The following KANSL1L variants were observed in gnomAD, a reference collection of about 807,000 sequenced individuals.
The protein encoded by KANSL1L is KAT8 regulatory NSL complex subunit 1-like protein.
In KANSL1L, 25 loss-of-function variants were observed where a neutral mutation model predicts 108.6. That is an observed-to-expected ratio of 0.23 (90% CI 0.17 to 0.32). The LOEUF is 0.32. Among genes scored for constraint, KANSL1L ranks in the 10% least tolerant of loss-of-function variants. KANSL1L has a pLI of 1.00. For synonymous variants in KANSL1L, 405 were observed against 395.1 expected, an observed-to-expected ratio of 1.03 and a Z score of -0.30; for missense variants, 1,137 against 1,125.7, an observed-to-expected ratio of 1.01 and a Z score of -0.14.
intron 2 of KANSL1L, among the ~76,000 whole-genome samples, chr2:210,141,203 TTTTC>T (rs1444257577): frequency 6.6e-6 from 1 of 151,682 alleles, no homozygotes; most frequent in Non-Finnish European, 1.5e-5. Flanking sequence ...TCTTTTTCTT[TTTTC>T]TTTTCTTTCC....
chr2:210,170,142 T>C (rs1332744159), intron 1 of KANSL1L: 5 of 153,224 alleles, frequency 3.3e-5, no homozygotes, highest in South Asian at 2.1e-4. Context: ...ATTGCCAGTT[T>C]TGTCTGCAGT....
At chr2:210,096,554 C>T in intron 5 of KANSL1L, 1 of 984,928 alleles carries the variant, frequency 1.0e-6, no homozygotes, top group South Asian at 4.7e-5. Context: ...CTGTGTAGTA[C>T]TTGATTAGGT....
chr2:210,062,476 G>A (rs528567446), intron 6 of KANSL1L, among the ~76,000 whole-genome samples: 55 of 152,194 alleles, frequency 3.6e-4, no homozygotes, highest in Non-Finnish European at 6.2e-4. Context: ...CTGGGAGGTT[G>A]GAACAGCTTG....
intron 5 of KANSL1L, among the ~76,000 whole-genome samples, chr2:210,086,636 G>A (rs534846397): frequency 6.1e-4 from 93 of 152,128 alleles, no homozygotes; most frequent in African/African-American, 2.2e-3. Flanking sequence ...GCACTGTGAG[G>A]ACAGATCATT....
intron 5 of KANSL1L, among the ~76,000 whole-genome samples, chr2:210,081,374 A>G (rs1244699331): frequency 6.6e-6 from 1 of 152,088 alleles, no homozygotes; most frequent in Non-Finnish European, 1.5e-5. Context: ...CATAATTTCC[A>G]ATAATCATCT....
At chr2:210,040,090 G>A (rs554837662) in intron 8 of KANSL1L, among the ~76,000 whole-genome samples, 2 of 151,756 alleles carry the variant, frequency 1.3e-5, no homozygotes, top group African/African-American at 4.8e-5. Context: ...TGAGAACTTC[G>A]AGTTACATTA....
intron 3 of KANSL1L, among the ~76,000 whole-genome samples, chr2:210,116,143 G>A (rs1315965066): frequency 6.6e-6 from 1 of 152,192 alleles, no homozygotes; most frequent in African/African-American, 2.4e-5. Context: ...ATTGGCCGTA[G>A]ACAGGCAGTA....
chr2:210,126,710 C>T (rs2095068791), intron 3 of KANSL1L, among the ~76,000 whole-genome samples: 1 of 152,128 alleles, frequency 6.6e-6, no homozygotes. Context: ...CCCAGCTACT[C>T]AGGAGGCTGA....
chr2:210,129,729 C>T (rs1219530973), intron 2 of KANSL1L, among the ~76,000 whole-genome samples: 2 of 152,074 alleles, frequency 1.3e-5, no homozygotes, highest in Non-Finnish European at 2.9e-5. Flanking sequence ...TGCTACATTT[C>T]AAATAAGCAT....
At chr2:210,096,699 T>C (rs1459534419) in intron 5 of KANSL1L, 2 of 968,474 alleles carry the variant, frequency 2.1e-6, no homozygotes, top group African/African-American at 1.8e-5. Flanking sequence ...TTCTCATAAA[T>C]GAAAATATCA....
At chr2:210,040,719 T>C (rs2094155667) in intron 7 of KANSL1L, among the ~76,000 whole-genome samples, 192 bp from the exon 8 acceptor site, 1 of 152,150 alleles carries the variant, frequency 6.6e-6, no homozygotes, top group South Asian at 2.1e-4. Context: ...AGCAGTATTT[T>C]AGAAATTACT....
chr2:210,073,698 A>C (rs183912567), intron 6 of KANSL1L, among the ~76,000 whole-genome samples: 1 of 152,048 alleles, frequency 6.6e-6, no homozygotes, highest in Admixed American at 6.6e-5. Flanking sequence ...TCCATAAAGA[A>C]AAAAAAGAAA....
intron 6 of KANSL1L, among the ~76,000 whole-genome samples, chr2:210,050,317 T>C (rs2125224082): frequency 6.6e-6 from 1 of 152,112 alleles, no homozygotes; most frequent in South Asian, 2.1e-4. Flanking sequence ...CCTAACCCTA[T>C]CAAAATTACA....
At chr2:210,147,541 T>C (rs956949041) in intron 2 of KANSL1L, among the ~76,000 whole-genome samples, 1 of 152,220 alleles carries the variant, frequency 6.6e-6, no homozygotes, top group African/African-American at 2.4e-5. Context: ...TGCCCTTTAC[T>C]TCCATTCCAC....
intron 1 of KANSL1L, among the ~76,000 whole-genome samples, chr2:210,158,249 C>T (rs1291751687): frequency 6.6e-6 from 1 of 152,038 alleles, no homozygotes; most frequent in Non-Finnish European, 1.5e-5. Context: ...ATCTGGCCAC[C>T]CTCTCTTATT....
At chr2:210,116,690 G>A (rs1190087289) in intron 3 of KANSL1L, among the ~76,000 whole-genome samples, 1 of 152,160 alleles carries the variant, frequency 6.6e-6, no homozygotes, top group Non-Finnish European at 1.5e-5. Flanking sequence ...ACTAAAGTTG[G>A]GGATATGACT....
Position 210,028,937 on chromosome 2 carries a change from G to A in KANSL1L, c.2304C>T (p.Ser768=). Reference sequence around the variant, plus strand: ...TCACAATGTTATCTATGTCATAAGAGCTCTCACTTCTCAATCTCCGTCGTG... The same window carrying A: ...TCACAATGTTATCTATGTCATAAGAACTCTCACTTCTCAATCTCCGTCGTG... ...NTARRRLRSE[S]SYDIDNIVIP... is the part of the protein sequence containing the mutation. Residue 768 remains serine (S), a synonymous_variant, in exon 11 of 15, where the codon AGC becomes AGT. Coordinates refer to ENST00000281772, the MANE Select transcript of KANSL1L (RefSeq NM_152519.4). The A allele has an allele frequency of 1.2e-6, 2 of 1,609,698 alleles. No homozygotes were observed. The highest frequency in any genetic ancestry group is 1.7e-4 in the Middle Eastern group (1 of 6,048).
chr2:210,054,305 G>A (rs2094325463), intron 6 of KANSL1L, among the ~76,000 whole-genome samples: 2 of 128,064 alleles, frequency 1.6e-5, no homozygotes, highest in South Asian at 5.6e-4. Context: ...CTGGGCAACA[G>A]AGCGAGACTC....
intron 6 of KANSL1L, among the ~76,000 whole-genome samples, chr2:210,062,379 G>A (rs2094429175): frequency 6.6e-6 from 1 of 152,184 alleles, no homozygotes; most frequent in African/African-American, 2.4e-5. Flanking sequence ...TATCAGCAGT[G>A]TGAAAACGGA....
Sources: gnomAD v4.1 joint callset for allele counts (sites outside exome capture counted in the v4.1 genomes callset) on GRCh38, gnomAD v4.1.1 for gene constraint, MANE v1.5 for transcripts, NCBI Gene and HGNC (gene_info 2026-07-23, HGNC 2026-07-21) for gene names.